The following SLC9A1 variants were observed in gnomAD, a reference collection of about 807,000 sequenced individuals.
SLC9A1 encodes sodium/hydrogen exchanger 1.
SLC9A1 carries 22 observed loss-of-function variants against 67.9 expected under a neutral mutation model. That is an observed-to-expected ratio of 0.32 (90% CI 0.23 to 0.46). The LOEUF is 0.46. Among genes scored for constraint, SLC9A1 ranks in the 20% least tolerant of loss-of-function variants. SLC9A1 has a pLI of 1.00. For missense variants in SLC9A1, 686 were observed against 1,094.8 expected, an observed-to-expected ratio of 0.63 and a Z score of 5.27; for synonymous variants, 421 against 471.8, an observed-to-expected ratio of 0.89 and a Z score of 1.40.
chr1:27,148,975 G>A (rs867878072), intron 1 of SLC9A1, among the ~76,000 whole-genome samples: 18 of 152,186 alleles, frequency 1.2e-4, no homozygotes, highest in African/African-American at 3.9e-4. Context: ...AGAGGGCACC[G>A]GAAGAGAGAT....
intron 1 of SLC9A1, among the ~76,000 whole-genome samples, chr1:27,146,466 G>A (rs1201407380): frequency 6.6e-6 from 1 of 152,202 alleles, no homozygotes; most frequent in Non-Finnish European, 1.5e-5. Context: ...AAATGATTAT[G>A]GGAAAAATTG....
intron 5 of SLC9A1, among the ~76,000 whole-genome samples, chr1:27,105,168 T>C (rs990983323): frequency 6.6e-6 from 1 of 152,218 alleles, no homozygotes; most frequent in African/African-American, 2.4e-5. Flanking sequence ...CAGTTCCCCA[T>C]GCTGTGATAT....
intron 1 of SLC9A1, among the ~76,000 whole-genome samples, chr1:27,121,838 G>A (rs2083306386): frequency 6.6e-6 from 1 of 152,044 alleles, no homozygotes; most frequent in African/African-American, 2.4e-5. Context: ...AAACTCAGTG[G>A]AGGGCCGGGC....
chr1:27,126,772 T>C (rs968067855), intron 1 of SLC9A1, among the ~76,000 whole-genome samples: 1 of 152,216 alleles, frequency 6.6e-6, no homozygotes, highest in Non-Finnish European at 1.5e-5. Flanking sequence ...GCAGAAGTCA[T>C]GTCTGGTTTA....
chr1:27,103,028 C>T (rs1025540102), intron 6 of SLC9A1, among the ~76,000 whole-genome samples, 195 bp downstream of exon 6: 1 of 152,134 alleles, frequency 6.6e-6, no homozygotes, highest in Non-Finnish European at 1.5e-5. Flanking sequence ...GGCATGATGC[C>T]CCCTCCTCAG....
At position 27,102,554 on chromosome 1, in the gene SLC9A1, T is replaced by C; in HGVS notation, c.1651A>G (p.Asn551Asp). The C allele has an allele frequency of 6.2e-7, 1 of 1,607,930 alleles. No individual in the cohort carries two copies. The highest frequency in any genetic ancestry group is 1.3e-5 in the African/African-American group (1 of 74,944). Reference protein sequence around the residue: ...YGHHHWKDKLNRFNKKYVKKC... With the variant: ...YGHHHWKDKLDRFNKKYVKKC... ...TTCACATATTTCTTATTAAACCGGT[T>C]GAGCCTGGTGGGAGGAGGAGGGAGA... The change falls in exon 8 of 12, where the codon AAC becomes GAC. Residue 551 changes from asparagine to aspartate, a missense_variant. By Grantham distance (23) the Asn-to-Asp change is conservative. Around this residue, in one of 7 missense-constraint regions of SLC9A1, gnomAD observed 168 missense variants for 375.4 expected, o/e 0.45. Coordinates refer to ENST00000263980, the MANE Select transcript of SLC9A1 (RefSeq NM_003047.5).
At chr1:27,119,388 G>T (rs1444176741) in intron 1 of SLC9A1, among the ~76,000 whole-genome samples, 2 of 152,118 alleles carry the variant, frequency 1.3e-5, no homozygotes, top group Non-Finnish European at 2.9e-5. Context: ...GCACACTGAG[G>T]GCTCTGTCGC....
At position 27,100,412 on chromosome 1, in the gene SLC9A1, C is replaced by T. The variant is rs539906064; in HGVS notation, c.2343G>A (p.Ala781=). Reference sequence around the variant, plus strand: ...TCTGGGAGCTGGGGCTGTCACTGGGCGCGGGGGTGAAGACATCGTCGGTTC... The same window carrying T: ...TCTGGGAGCTGGGGCTGTCACTGGGTGCGGGGGTGAAGACATCGTCGGTTC... ...SPGTDDVFTP[A]PSDSPSSQRI... The change falls in exon 12 of 12, where the codon GCG becomes GCA. Residue 781 remains alanine, a synonymous_variant. Transcript: ENST00000263980. The surrounding 1 kb of genome is among the most constrained non-coding windows in gnomAD (Gnocchi z 5.6). 5.6e-6 allele frequency: 9 copies of T among 1,607,196 alleles called. No individual in the cohort carries two copies. Among genetic ancestry groups the T allele is most frequent in the Admixed American group, 1.7e-5 (1 of 59,664 alleles).
intron 3 of SLC9A1, among the ~76,000 whole-genome samples, chr1:27,108,336 G>A (rs527955774): frequency 5.7e-5 from 1 of 17,426 alleles, no homozygotes. Context: ...AAAGTGCTGG[G>A]ATTACAGGCG....
rs781358970 is a variant in SLC9A1, at chr1:27,101,280, C to T, written c.2038-5G>A. 3.7e-6 allele frequency: 6 copies of T among 1,611,206 alleles called. No individual in the cohort carries two copies. The highest frequency in any genetic ancestry group is 5.1e-6 in the Non-Finnish European group (6 of 1,179,416). ...CACCGTCAGGTAGTTGTTGATCTGA[C>T]AGAGAGGACAGACGGGGTGAGCACA... is the stretch of plus-strand genomic sequence containing the variant. On this transcript the variant is annotated splice_region_variant and splice_polypyrimidine_tract_variant and intron_variant, in intron 10 of 11. Transcript: ENST00000263980. The surrounding 1 kb of genome is among the most constrained non-coding windows in gnomAD (Gnocchi z 4.9).
At chr1:27,151,166 A>G (rs1052051321) in intron 1 of SLC9A1, among the ~76,000 whole-genome samples, 1 of 152,140 alleles carries the variant, frequency 6.6e-6, no homozygotes, top group Admixed American at 6.5e-5. Flanking sequence ...AGAGATTTGT[A>G]ATCCTTCAGC....
intron 1 of SLC9A1, among the ~76,000 whole-genome samples, chr1:27,141,019 C>A (rs992032956): frequency 6.6e-6 from 1 of 152,014 alleles, no homozygotes; most frequent in Non-Finnish European, 1.5e-5. Context: ...ACCAGCCTGG[C>A]CAACATGACA....
chr1:27,138,190 C>T (rs545631287), intron 1 of SLC9A1, among the ~76,000 whole-genome samples: 1 of 152,346 alleles, frequency 6.6e-6, no homozygotes, highest in South Asian at 2.1e-4. Flanking sequence ...GGCCCCTGCC[C>T]TCTTCTCCAT....
chr1:27,143,024 T>G (rs2083461708), intron 1 of SLC9A1, among the ~76,000 whole-genome samples: 1 of 137,880 alleles, frequency 7.3e-6, no homozygotes. Context: ...ATCTGTGGCT[T>G]ACACACTGAC....
In SLC9A1 at chr1:27,105,871, CCCTGG is replaced by C. The variant is rs1557738110; in HGVS notation, c.1485+9_1485+13del. The C allele has an allele frequency of 6.2e-7, 1 of 1,611,278 alleles. No homozygotes were observed. The highest frequency in any genetic ancestry group is 1.7e-4 in the Middle Eastern group (1 of 6,058). ...GTCCCCAAGGCAAGGGCCTGCCCTG[CCCTGG>C]CCCAGCACCTGCACAAAGACGGTGA... On this transcript the variant is annotated intron_variant, in intron 5 of 11. Coordinates refer to ENST00000263980, the MANE Select transcript of SLC9A1 (RefSeq NM_003047.5).
chr1:27,133,860 G>A (rs113071995), intron 1 of SLC9A1, among the ~76,000 whole-genome samples: 3 of 151,650 alleles, frequency 2.0e-5, no homozygotes, highest in African/African-American at 7.3e-5. Flanking sequence ...TGCTGCCCCA[G>A]TTCAAGCAAT....
intron 7 of SLC9A1, 32 bp downstream of exon 7, chr1:27,102,641 C>T (rs2083155748): frequency 1.2e-6 from 2 of 1,612,780 alleles, no homozygotes; most frequent in African/African-American, 1.3e-5. Context: ...TTGCCTGCCC[C>T]TCCCTGCCTG....
intron 1 of SLC9A1, among the ~76,000 whole-genome samples, chr1:27,117,896 T>C (rs1309047867): frequency 2.0e-5 from 3 of 152,172 alleles, no homozygotes; most frequent in Admixed American, 6.5e-5. Flanking sequence ...ACTGGGAACA[T>C]TGAGGTGACT....
chr1:27,102,077 T>C lies in SLC9A1; in HGVS notation c.1874A>G (p.Lys625Arg). 1 of 1,614,078 alleles carries C rather than the reference T, an allele frequency of 6.2e-7. No individual in the cohort carries two copies. Among genetic ancestry groups the C allele is most frequent in the Non-Finnish European group, 8.5e-7 (1 of 1,179,990 alleles). Residue 625 changes from lysine (K) to arginine (R), a missense_variant, in exon 9 of 12, where the codon AAG becomes AGG. Physicochemically the swap from Lys to Arg is conservative, Grantham distance 26 (BLOSUM62 2). This residue lies in a region of SLC9A1 where 226 missense variants were observed against 282.4 expected (regional missense o/e 0.80). Transcript: ENST00000263980. ...TTTGCGGATCTCCTCCTCCTTGTCC[T>C]TGGACAGTGCTGGCAGGATGCGCTC... ...PSERILPALS[K>R]DKEEEIRKIL...
Sources: gnomAD v4.1 joint callset for allele counts (sites outside exome capture counted in the v4.1 genomes callset) on GRCh38, gnomAD v4.1.1 for gene constraint, gnomAD v4.1.1 regional missense constraint, Gnocchi (gnomAD v3.1) non-coding constraint, MANE v1.5 for transcripts, NCBI Gene and HGNC (gene_info 2026-07-23, HGNC 2026-07-21) for gene names.